TMEM63C: variants seen among roughly 807,000 people sequenced by gnomAD.
The protein encoded by TMEM63C is osmosensitive cation channel TMEM63C.
A neutral mutation model predicts 99.2 loss-of-function variants in TMEM63C; 32 were observed. The ratio of observed to expected loss-of-function variants is 0.32; its 90% confidence interval spans 0.24 to 0.43. The LOEUF is 0.43. TMEM63C is among the 20% of genes least tolerant of loss of function. The pLI is 1.00. For synonymous variants in TMEM63C, 376 were observed against 397.9 expected (o/e 0.94, Z 0.66); for missense variants, 826 against 1,053.0 (o/e 0.78, Z 2.98).
chr14:77,195,693 G>T (rs1268617720), intron 1 of TMEM63C, among the ~76,000 whole-genome samples: 1 of 152,208 alleles, frequency 6.6e-6, no homozygotes, highest in African/African-American at 2.4e-5. Flanking sequence ...GCAAGGGAAG[G>T]TGGGGTGCTC....
At chr14:77,211,780 G>A (rs574716377) in intron 1 of TMEM63C, among the ~76,000 whole-genome samples, 1 of 152,320 alleles carries the variant, frequency 6.6e-6, no homozygotes, top group South Asian at 2.1e-4. Flanking sequence ...TAGGAACCCA[G>A]GATGGAGGAG....
intron 6 of TMEM63C, among the ~76,000 whole-genome samples, chr14:77,230,895 C>T (rs1366856938): frequency 6.6e-6 from 1 of 152,148 alleles, no homozygotes; most frequent in Admixed American, 6.5e-5. Context: ...AGTTTGAGGA[C>T]GTTACAAGTA....
chr14:77,199,756 T>TG (rs1888267865), intron 1 of TMEM63C, among the ~76,000 whole-genome samples: 1 of 152,200 alleles, frequency 6.6e-6, no homozygotes, highest in Non-Finnish European at 1.5e-5. Context: ...GGGCAGGGCC[T>TG]GGACTCCTTC....
chr14:77,225,434 C>A lies in TMEM63C; in HGVS notation c.323C>A (p.Ser108Tyr). ...EMERRDKGFC[S>Y]WFFNSITMKD... Reference sequence around the variant, plus strand: ...CTCCTTTCCCCGCAGGGATTCTGTTCCTGGTTCTTCAACAGCATAACAATG... The same window carrying A: ...CTCCTTTCCCCGCAGGGATTCTGTTACTGGTTCTTCAACAGCATAACAATG... The change falls in exon 6 of 24, where the codon TCC becomes TAC. Residue 108 changes from serine (S) to tyrosine (Y), a missense_variant. Physicochemically the swap from Ser to Tyr is moderately radical, Grantham distance 144 (BLOSUM62 -2). Coordinates refer to ENST00000298351, the MANE Select transcript of TMEM63C (RefSeq NM_020431.4). 6.2e-7 allele frequency: 1 copy of A among 1,613,284 alleles called. No homozygotes were observed. The highest frequency in any genetic ancestry group is 8.5e-7 in the Non-Finnish European group (1 of 1,179,656).
chr14:77,204,587 A>G (rs1156557531), intron 1 of TMEM63C, among the ~76,000 whole-genome samples: 1 of 152,238 alleles, frequency 6.6e-6, no homozygotes, highest in East Asian at 1.9e-4. Context: ...CAGCAAACAC[A>G]GCCAAGGGCT....
Position 77,240,617 on chromosome 14 carries a change from C to T in TMEM63C, c.1064+9C>T. ...TCCAGGATGGCCAAGCGGTGAGCACCAGGCAGGCGCCCCACCCAGCCCCAA... is the reference window on the plus strand; with the variant it reads ...TCCAGGATGGCCAAGCGGTGAGCACTAGGCAGGCGCCCCACCCAGCCCCAA... On this transcript the variant is annotated intron_variant, in intron 13 of 23. Coordinates refer to ENST00000298351, the MANE Select transcript of TMEM63C (RefSeq NM_020431.4). 6.2e-7 allele frequency: 1 copy of T among 1,606,546 alleles called. No homozygotes were observed. The highest frequency in any genetic ancestry group is 1.1e-5 in the South Asian group (1 of 91,016).
chr14:77,206,289 G>A (rs1888400427), intron 1 of TMEM63C, among the ~76,000 whole-genome samples: 1 of 152,220 alleles, frequency 6.6e-6, no homozygotes, highest in South Asian at 2.1e-4. Context: ...CCTAGTGAGA[G>A]CTGTGCCAGG....
Position 77,248,369 on chromosome 14 carries a change from G to C in TMEM63C, c.1624G>C (p.Gly542Arg). 1 of 1,611,386 alleles carries C rather than the reference G, an allele frequency of 6.2e-7. No individual in the cohort carries two copies. The highest frequency in any genetic ancestry group is 8.5e-7 in the Non-Finnish European group (1 of 1,178,732). Residue 542 changes from glycine to arginine, a missense_variant, in exon 19 of 24, where the codon GGC becomes CGC. Transcript: ENST00000298351. ...RFQCVFLPDN[G>R]AFFVNYVITA... ...CAGGTGTGTGTTCCTGCCAGACAACGGCGCCTTCTTTGTCAACTACGTGAT... is the reference window on the plus strand; with the variant it reads ...CAGGTGTGTGTTCCTGCCAGACAACCGCGCCTTCTTTGTCAACTACGTGAT...
intron 8 of TMEM63C, among the ~76,000 whole-genome samples, chr14:77,235,476 G>T (rs576465490): frequency 0.38 from 2,618 of 6,838 alleles, 1,150 homozygotes; most frequent in Admixed American, 0.52. Flanking sequence ...AGACTGTGGT[G>T]GGTGGGGGGT....
At position 77,244,730 on chromosome 14, in the gene TMEM63C, C is replaced by G. The variant is rs1206692125; in HGVS notation, c.1448+275C>G. Among the ~76,000 whole-genome samples the G allele has an allele frequency of 2.0e-5, 3 of 152,204 alleles. No individual in the cohort carries two copies. In the East Asian group the frequency reaches 5.8e-4, roughly 29 times the overall value. ...CCAAGCCCTCCTTGAGCTTCTCCCTCAGCCCCCAGCCATATCCTGAAGGCA... is the reference window on the plus strand; with the variant it reads ...CCAAGCCCTCCTTGAGCTTCTCCCTGAGCCCCCAGCCATATCCTGAAGGCA... On this transcript the variant is annotated intron_variant, in intron 16 of 23. Transcript: ENST00000298351.
Position 77,218,714 on chromosome 14 carries a change from C to T in TMEM63C, c.-13-87C>T, listed in dbSNP as rs1273883451. 3 of 1,422,232 alleles carry T rather than the reference C, an allele frequency of 2.1e-6. No homozygotes were observed. In the East Asian group the frequency reaches 7.3e-5, roughly 35 times the overall value. The allele number at this position is 1,422,232 out of a possible 1,614,324, so 88.1% of individuals were successfully genotyped here. On this transcript the variant is annotated intron_variant, in intron 2 of 23. Coordinates refer to ENST00000298351, the MANE Select transcript of TMEM63C (RefSeq NM_020431.4). ...CTAGCCTGGCCGAGGCACTCGGTGCCCATCCCACAACTCCCCATCGGGCTT... is the reference window on the plus strand; with the variant it reads ...CTAGCCTGGCCGAGGCACTCGGTGCTCATCCCACAACTCCCCATCGGGCTT...
intron 2 of TMEM63C, among the ~76,000 whole-genome samples, chr14:77,216,247 C>T (rs1329242979): frequency 6.6e-6 from 1 of 152,068 alleles, no homozygotes; most frequent in African/African-American, 2.4e-5. Flanking sequence ...AGGACACCAC[C>T]CTCTCCTGCT....
rs1382541012 is a variant in TMEM63C, at chr14:77,246,694, C to T, written c.1601+20C>T. On this transcript the variant is annotated intron_variant, in intron 18 of 23. Coordinates refer to ENST00000298351, the MANE Select transcript of TMEM63C (RefSeq NM_020431.4). Reference sequence around the variant, plus strand: ...GTTCCAGTGAGTACTCCCATGTGTCCACCAGGGCTGCTGTGTGTGCACACA... The same window carrying T: ...GTTCCAGTGAGTACTCCCATGTGTCTACCAGGGCTGCTGTGTGTGCACACA... The T allele has an allele frequency of 4.4e-6, 7 of 1,603,250 alleles. No homozygotes were observed. Among genetic ancestry groups the T allele is most frequent in the Admixed American group, 1.7e-5 (1 of 59,758 alleles).
chr14:77,244,121 G>C (rs765109638), intron 15 of TMEM63C, among the ~76,000 whole-genome samples: 6 of 152,098 alleles, frequency 3.9e-5, no homozygotes, highest in Admixed American at 1.3e-4. Context: ...AGAAAGCTCA[G>C]GCTGCCGCTC....
intron 1 of TMEM63C, among the ~76,000 whole-genome samples, chr14:77,190,367 T>TTAAACTGC (rs2099283909): frequency 6.6e-6 from 1 of 152,136 alleles, no homozygotes; most frequent in Non-Finnish European, 1.5e-5. Flanking sequence ...CCAATGTTAT[T>TTAAACTGC]TAAACTGCAC....
At chr14:77,186,965 G>T (rs917212922) in intron 1 of TMEM63C, among the ~76,000 whole-genome samples, 35 of 152,192 alleles carry the variant, frequency 2.3e-4, no homozygotes, top group Non-Finnish European at 4.7e-4. Flanking sequence ...TTCTCAGGCA[G>T]CAGAAGAACA....
intron 1 of TMEM63C, among the ~76,000 whole-genome samples, chr14:77,195,228 T>A (rs534718277): frequency 2.0e-4 from 30 of 152,314 alleles, no homozygotes; most frequent in African/African-American, 7.0e-4. Context: ...CAATTTCAGA[T>A]GTGGGCGGGC....
rs1295897006 is a variant in TMEM63C at position 77,257,758 on chromosome 14, C to T, written c.*1032C>T. The T allele has an allele frequency of 6.6e-6, 1 of 152,306 alleles. No homozygotes were observed. The highest frequency in any genetic ancestry group is 2.4e-5 in the African/African-American group (1 of 41,450). 9.4% of individuals were successfully genotyped at this position (152,306 alleles called of 1,614,324 possible). ...CCATGCTTCAAACTTAAGGACTGAC[C>T]ATCACCTGCGTCCCAAGTAGGACCC... On this transcript the variant is annotated 3_prime_UTR_variant, in exon 24 of 24. Transcript: ENST00000298351.
rs1889527982 is a variant in TMEM63C at position 77,258,922 on chromosome 14, G to A, written c.*2196G>A. 1 of 152,300 alleles carries A rather than the reference G, an allele frequency of 6.6e-6. No homozygotes were observed. The highest frequency in any genetic ancestry group is 2.1e-4 in the South Asian group (1 of 4,828). The allele number at this position is 152,300 out of a possible 1,614,324, so 9.4% of individuals were successfully genotyped here. A position where few individuals can be genotyped will look rare whatever the true frequency, so the allele number is the denominator to read the frequency against. On this transcript the variant is annotated 3_prime_UTR_variant, in exon 24 of 24. Coordinates refer to ENST00000298351, the MANE Select transcript of TMEM63C (RefSeq NM_020431.4). ...CCAGTGTAGCCTGGCTCTGAGAGAA[G>A]GTGGTGAGCATGTGGAGAAGGTTCC...
Sources: gnomAD v4.1 joint callset for allele counts (sites outside exome capture counted in the v4.1 genomes callset) on GRCh38, gnomAD v4.1.1 for gene constraint, MANE v1.5 for transcripts, NCBI Gene and HGNC (gene_info 2026-07-23, HGNC 2026-07-21) for gene names.